The following CRYZ variants were observed in gnomAD, a reference collection of about 807,000 sequenced individuals.
CRYZ encodes crystallin zeta.
CRYZ carries 35 observed loss-of-function variants against 34.1 expected under a neutral mutation model. The ratio of observed to expected loss-of-function variants is 1.03; its 90% confidence interval spans 0.78 to 1.36. The LOEUF is 1.36. CRYZ is among the 40% of genes most tolerant of loss of function. The pLI is 0.00. For missense variants in CRYZ, 403 were observed against 391.8 expected (o/e 1.03, Z -0.24); for synonymous variants, 137 against 136.5 (o/e 1.00, Z -0.03).
At chr1:74,708,219 G>C (rs1446774760) in intron 6 of CRYZ, 4 of 152,268 alleles carry the variant, frequency 2.6e-5, no homozygotes, top group African/African-American at 4.8e-5. Flanking sequence ...AGAGGTAGGA[G>C]AGAGGAGACT....
intron 2 of CRYZ, 100 bp from the exon 3 acceptor site, chr1:74,723,370 C>T (rs1647199845): frequency 9.0e-7 from 1 of 1,111,950 alleles, no homozygotes; most frequent in African/African-American, 1.6e-5. Flanking sequence ...AAATGGGAGA[C>T]AAAAGCAAAA....
chr1:74,719,323 T>C lies in CRYZ; in HGVS notation c.314A>G (p.Glu105Gly). The C allele has an allele frequency of 2.5e-6, 4 of 1,613,828 alleles. No individual in the cohort carries two copies. The highest frequency in any genetic ancestry group is 3.4e-6 in the Non-Finnish European group (4 of 1,179,736). The change falls in exon 4 of 9, where the codon GAG (glutamate) becomes GGG (glycine). Residue 105 changes from glutamate to glycine, a missense_variant. Coordinates refer to ENST00000340866, the MANE Select transcript of CRYZ (RefSeq NM_001889.4). ...TSSTISGGYAEYALAADHTVY... is the reference protein window; with the variant it reads ...TSSTISGGYAGYALAADHTVY... ...AGTGTGGTCTGCTGCAAGAGCATAC[T>C]CTGCATAACCCCCAGAGATCGTGCT...
rs181478701 is a variant in CRYZ at position 74,730,933 on chromosome 1, G to A, written c.-14+2023C>T. Among the ~76,000 whole-genome samples, 424 of 152,228 alleles carry A rather than the reference G, an allele frequency of 2.8e-3. 1 individual carries two copies. Among genetic ancestry groups the A allele is most frequent in the Middle Eastern group, 0.01 (3 of 294 alleles). The stretch of plus-strand genomic sequence containing the variant: ...TTTCTCAAATGCCCACTAAGTCAGG[G>A]AATGCAGCAGAAATACAAAGGACAT... On this transcript the variant is annotated intron_variant, in intron 1 of 8. Transcript: ENST00000340866.
intron 4 of CRYZ, among the ~76,000 whole-genome samples, chr1:74,715,541 CA>C (rs1346613664): frequency 7.2e-5 from 11 of 152,316 alleles, no homozygotes; most frequent in African/African-American, 2.6e-4. Context: ...TATGCACCAA[CA>C]GCTGAGAAGT....
chr1:74,728,667 C>G (rs2100735328), intron 1 of CRYZ, among the ~76,000 whole-genome samples: 1 of 152,286 alleles, frequency 6.6e-6, no homozygotes, highest in South Asian at 2.1e-4. Flanking sequence ...CATACAGCAG[C>G]TGGGGCAAGG....
intron 6 of CRYZ, among the ~76,000 whole-genome samples, chr1:74,709,717 T>C (rs1238960474): frequency 2.0e-5 from 3 of 152,350 alleles, no homozygotes; most frequent in African/African-American, 7.2e-5. Context: ...CAGATCCAGT[T>C]TGTAATTTAC....
chr1:74,711,015 G>A (rs116241646), intron 5 of CRYZ, among the ~76,000 whole-genome samples: 1,896 of 152,272 alleles, frequency 0.012, 34 homozygotes, highest in African/African-American at 0.044. Flanking sequence ...AACAAGCCAC[G>A]AGAACATCCG....
At chr1:74,712,332 C>T (rs1000149688) in intron 5 of CRYZ, among the ~76,000 whole-genome samples, 1 of 152,118 alleles carries the variant, frequency 6.6e-6, no homozygotes, top group Non-Finnish European at 1.5e-5. Context: ...GATGCCAGAA[C>T]CCCTTCCCCA....
At chr1:74,708,329 A>C (rs1321009853) in intron 6 of CRYZ, 1 of 152,058 alleles carries the variant, frequency 6.6e-6, no homozygotes, top group Admixed American at 6.6e-5. Context: ...TTTTTTTATT[A>C]CAGGGGTTTA....
chr1:74,709,152 A>G (rs1457670764), intron 6 of CRYZ, among the ~76,000 whole-genome samples: 1 of 152,074 alleles, frequency 6.6e-6, no homozygotes, highest in Non-Finnish European at 1.5e-5. Context: ...AGGAGAAGAG[A>G]AAGGGGAGTA....
intron 5 of CRYZ, among the ~76,000 whole-genome samples, chr1:74,712,908 T>C (rs1245669317): frequency 6.6e-6 from 1 of 152,180 alleles, no homozygotes; most frequent in Non-Finnish European, 1.5e-5. Flanking sequence ...GTGTCAACTA[T>C]TTTTCTTCTA....
intron 1 of CRYZ, among the ~76,000 whole-genome samples, chr1:74,732,139 C>T (rs1647798946): frequency 6.8e-6 from 1 of 147,628 alleles, no homozygotes; most frequent in African/African-American, 2.5e-5. Context: ...AGAAGAAATC[C>T]CCTACAGCTG....
At chr1:74,723,398 T>G (rs1271026457) in intron 2 of CRYZ, 128 bp from the exon 3 acceptor site, 24 of 773,430 alleles carry the variant, frequency 3.1e-5, no homozygotes, top group Non-Finnish European at 5.0e-5. Context: ...GTGCTTGCCT[T>G]CAACAAGCTC....
At chr1:74,724,618 AAAATAATT>A in intron 2 of CRYZ, 85 bp downstream of exon 2, 1 of 790,380 alleles carries the variant, frequency 1.3e-6, no homozygotes, top group Admixed American at 2.8e-5. Flanking sequence ...AATGTTTTTA[AAAATAATT>A]GTGAGTCTGC....
At chr1:74,719,165 C>T (rs1204036485) in intron 4 of CRYZ, 44 bp downstream of exon 4, 3 of 1,594,466 alleles carry the variant, frequency 1.9e-6, no homozygotes, top group Non-Finnish European at 1.7e-6. Context: ...TTAACACTAC[C>T]CTCTTTTGGC....
chr1:74,720,713 G>A (rs2100717243), intron 3 of CRYZ, among the ~76,000 whole-genome samples: 1 of 152,216 alleles, frequency 6.6e-6, no homozygotes, highest in East Asian at 1.9e-4. Flanking sequence ...CAAATATGAT[G>A]AAGATTAATC....
At chr1:74,710,320 C>T in intron 5 of CRYZ, 73 bp from the exon 6 acceptor site, 8 of 1,419,194 alleles carry the variant, frequency 5.6e-6, no homozygotes, top group Non-Finnish European at 5.7e-6. Flanking sequence ...ATACAATGAA[C>T]TTAAGATTCC....
intron 4 of CRYZ, among the ~76,000 whole-genome samples, chr1:74,717,180 C>T (rs1377667337): frequency 6.6e-6 from 1 of 152,090 alleles, no homozygotes; most frequent in Non-Finnish European, 1.5e-5. Context: ...TTCCATCTTG[C>T]CTTATGCAGA....
intron 6 of CRYZ, 38 bp from the exon 7 acceptor site, chr1:74,707,242 G>T: frequency 9.1e-7 from 1 of 1,101,730 alleles, no homozygotes; most frequent in Non-Finnish European, 1.4e-6. Flanking sequence ...AAGATAGCAA[G>T]TGAAAAACTG....
Sources: gnomAD v4.1 joint callset for allele counts (sites outside exome capture counted in the v4.1 genomes callset) on GRCh38, gnomAD v4.1.1 for gene constraint, MANE v1.5 for transcripts, NCBI Gene and HGNC (gene_info 2026-07-23, HGNC 2026-07-21) for gene names.